Variants in QSER1 observed in about 807,000 individuals in gnomAD.
QSER1 encodes the protein glutamine and serine rich 1.
Under a neutral mutation model 158.5 loss-of-function variants are expected in QSER1, and 49 were observed. The ratio of observed to expected loss-of-function variants is 0.31; its 90% CI spans 0.25 to 0.39. The LOEUF (loss-of-function observed/expected upper bound fraction) is 0.39, where lower values mean the gene tolerates loss of function less well. QSER1 is among the 10% of genes least tolerant of loss of function. The pLI is 1.00. For synonymous variants in QSER1, 650 were observed against 715.5 expected (o/e 0.91, Z 1.46); for missense variants, 1,754 against 2,010.3 (o/e 0.87, Z 2.44).
Position 32,969,061 on chromosome 11 carries a change from C to G in QSER1, c.5123C>G (p.Pro1708Arg). The G allele has an allele frequency of 1.3e-6, 2 of 1,573,764 alleles. No individual in the cohort carries two copies. The highest frequency in any genetic ancestry group is 2.3e-5 in the South Asian group (2 of 85,986). Reference protein sequence around the residue: ...LEKSNDELLLPHMKKIDGMLN... With the variant: ...LEKSNDELLLRHMKKIDGMLN... ...GTTGTTTCAGATGAGCTACTTTTAC[C>G]TCATATGAAAAAAATAGATGGCATG... The change falls in exon 10 of 13, where the codon CCT becomes CGT. Residue 1708 changes from proline (P) to arginine (R), a missense_variant. Physicochemically the swap from Pro to Arg is moderately radical, Grantham distance 103. Around this residue, in one of 2 missense-constraint regions of QSER1, gnomAD observed 1,707 missense variants for 1,919.6 expected, o/e 0.89. Coordinates refer to ENST00000650167, the MANE Select transcript of QSER1 (RefSeq NM_001076786.3).
chr11:32,966,043 G>A (rs530630384), intron 8 of QSER1, among the ~76,000 whole-genome samples: 1 of 149,252 alleles, frequency 6.7e-6, no homozygotes, highest in Non-Finnish European at 1.5e-5. Flanking sequence ...ACCCTACCAC[G>A]ACCACCACCA....
chr11:32,913,979 T>C (rs904164367), intron 1 of QSER1, among the ~76,000 whole-genome samples: 2 of 152,248 alleles, frequency 1.3e-5, no homozygotes, highest in Admixed American at 6.5e-5. Flanking sequence ...ATAAATAATT[T>C]CTTAATAAGA....
At chr11:32,917,135 T>G (rs1466409252) in intron 1 of QSER1, among the ~76,000 whole-genome samples, 1 of 152,250 alleles carries the variant, frequency 6.6e-6, no homozygotes, top group African/African-American at 2.4e-5. Flanking sequence ...GTTTGGCTTC[T>G]TTCATTTAGC....
chr11:32,932,437 C>A lies in QSER1; in HGVS notation c.1179C>A (p.Tyr393Ter). 1 of 1,613,256 alleles carries A rather than the reference C, an allele frequency of 6.2e-7. No homozygotes were observed. ...SQVSVELAQSYSSAIPSSGYP... is the reference protein window; with the variant it reads ...SQVSVELAQS ...TCTCAGTGGAACTTGCTCAGTCTTACTCATCTGCGATTCCATCATCAGGGT... is the reference window on the plus strand; with the variant it reads ...TCTCAGTGGAACTTGCTCAGTCTTAATCATCTGCGATTCCATCATCAGGGT... Residue 393 changes from tyrosine to a stop codon, truncating the protein, a stop_gained, in exon 4 of 13, where the codon TAC becomes TAA. Transcript: ENST00000650167. LOFTEE classifies it high-confidence loss of function.
rs961244740 is a variant in QSER1 at position 32,978,167 on chromosome 11, G to A, written c.*1693G>A. On this transcript the variant is annotated 3_prime_UTR_variant, in exon 13 of 13. Coordinates refer to ENST00000650167, the MANE Select transcript of QSER1 (RefSeq NM_001076786.3). ...ACTCAGTAATGGAAGTTTCTCTCAA[G>A]GGTTAAATGTTCCATTTTTGAAAGT... is the stretch of plus-strand genomic sequence containing the variant. The A allele has an allele frequency of 6.6e-6, 1 of 152,578 alleles. No homozygotes were observed. Among genetic ancestry groups the A allele is most frequent in the East Asian group, 1.9e-4 (1 of 5,204 alleles). The allele number at this position is 152,578 out of a possible 1,614,324, so 9.5% of individuals were successfully genotyped here. A position where few individuals can be genotyped will look rare whatever the true frequency, so the allele number is the denominator to read the frequency against.
At chr11:32,953,384 G>A (rs1852456329) in intron 4 of QSER1, among the ~76,000 whole-genome samples, 1 of 151,182 alleles carries the variant, frequency 6.6e-6, no homozygotes, top group Non-Finnish European at 1.5e-5. Context: ...GTAGGGTCTT[G>A]TTCTGTCACC....
intron 1 of QSER1, among the ~76,000 whole-genome samples, chr11:32,912,932 T>A (rs58219633): frequency 1.3e-5 from 2 of 151,940 alleles, no homozygotes; most frequent in East Asian, 1.9e-4. Context: ...TAAATTTAAC[T>A]CTTACTAAAA....
At chr11:32,925,017 A>G (rs1851949659) in intron 1 of QSER1, among the ~76,000 whole-genome samples, 3 of 152,206 alleles carry the variant, frequency 2.0e-5, no homozygotes, top group Admixed American at 2.0e-4. Context: ...GATTAGGATT[A>G]TAGCCTCCAG....
rs781090443 is a variant in QSER1 at position 32,931,778 on chromosome 11, A to C, written c.520A>C (p.Thr174Pro). 1 of 1,612,368 alleles carries C rather than the reference A, an allele frequency of 6.2e-7. No individual in the cohort carries two copies. Among genetic ancestry groups the C allele is most frequent in the South Asian group, 1.1e-5 (1 of 90,654 alleles). The change falls in exon 4 of 13, where the codon ACT becomes CCT. Residue 174 changes from threonine (T) to proline (P), a missense_variant. Physicochemically the swap from Thr to Pro is conservative, Grantham distance 38 (BLOSUM62 -1). This residue lies in a region of QSER1 where 1,707 missense variants were observed against 1,919.6 expected (regional missense o/e 0.89). Coordinates refer to ENST00000650167, the MANE Select transcript of QSER1 (RefSeq NM_001076786.3). ...CTCAGCAGCAACTGAGCTGTTTGCT[A>C]CTGGACCTTTGCCAAGCACTGGAAC... ...HSSAATELFATGPLPSTGTLP... is the reference protein window; with the variant it reads ...HSSAATELFAPGPLPSTGTLP...
chr11:32,967,038 A>G (rs947608220), intron 9 of QSER1, among the ~76,000 whole-genome samples: 9 of 152,200 alleles, frequency 5.9e-5, no homozygotes, highest in African/African-American at 2.2e-4. Context: ...AATACCCAAG[A>G]GACACCTGCA....
chr11:32,939,117 G>C (rs748549998), intron 4 of QSER1, among the ~76,000 whole-genome samples: 1 of 152,128 alleles, frequency 6.6e-6, no homozygotes, highest in Non-Finnish European at 1.5e-5. Flanking sequence ...CTATTATCAA[G>C]TCAGTGGAAG....
At chr11:32,944,146 G>C (rs1463075574) in intron 4 of QSER1, among the ~76,000 whole-genome samples, 2 of 151,812 alleles carry the variant, frequency 1.3e-5, no homozygotes, top group African/African-American at 4.8e-5. Flanking sequence ...ATTAGTCTTG[G>C]TAGCAGTCTA....
At chr11:32,907,964 G>T (rs1291319775) in intron 1 of QSER1, among the ~76,000 whole-genome samples, 1 of 152,120 alleles carries the variant, frequency 6.6e-6, no homozygotes, top group East Asian at 1.9e-4. Flanking sequence ...GCTGAGCATG[G>T]TGGCATGCAT....
chr11:32,960,386 G>C (rs572736659), intron 8 of QSER1, among the ~76,000 whole-genome samples: 1 of 151,868 alleles, frequency 6.6e-6, no homozygotes, highest in Non-Finnish European at 1.5e-5. Flanking sequence ...GTGAAACCCT[G>C]TCTCTACTAA....
chr11:32,943,941 A>G (rs1460178049), intron 4 of QSER1, among the ~76,000 whole-genome samples: 3 of 150,396 alleles, frequency 2.0e-5, no homozygotes, highest in South Asian at 2.1e-4. Flanking sequence ...CAGAGATTCA[A>G]CTTCTTCCTG....
rs763538934 is a variant in QSER1, at chr11:32,956,043, T to C, written c.4673T>C (p.Phe1558Ser). Reference sequence around the variant, plus strand: ...AAATACAAAAGAATATATGTGAAGTTCATTGAAAATGCAAACAAGAAGGAA... The same window carrying C: ...AAATACAAAAGAATATATGTGAAGTCCATTGAAAATGCAAACAAGAAGGAA... ...KSKYKRIYVK[F>S]IENANKKEYV... Residue 1558 changes from phenylalanine to serine, a missense_variant, in exon 7 of 13, where the codon TTC becomes TCC. This residue lies in a region of QSER1 where 1,707 missense variants were observed against 1,919.6 expected (regional missense o/e 0.89). Transcript: ENST00000650167. 1.2e-6 allele frequency: 2 copies of C among 1,608,746 alleles called. No homozygotes were observed. The highest frequency in any genetic ancestry group is 1.7e-6 in the Non-Finnish European group (2 of 1,175,598).
intron 1 of QSER1, among the ~76,000 whole-genome samples, chr11:32,901,074 C>T (rs1451879863): frequency 1.3e-5 from 2 of 152,208 alleles, no homozygotes. Flanking sequence ...ATAGCATAAG[C>T]TCTGGAGTTA....
chr11:32,934,561 A>G lies in QSER1; in HGVS notation c.3303A>G (p.Gln1101=). 6.2e-7 allele frequency: 1 copy of G among 1,613,566 alleles called. No homozygotes were observed. Among genetic ancestry groups the G allele is most frequent in the Middle Eastern group, 1.7e-4 (1 of 6,060 alleles). The part of the protein sequence containing the change: ...VVGPSHEVQE[Q]SSGPFKKQSA... ...GACCAAGTCATGAAGTCCAGGAGCA[A>G]AGTTCTGGCCCATTCAAGAAACAGT... Residue 1101 remains glutamine, a synonymous_variant, in exon 4 of 13, where the codon CAA becomes CAG. Transcript: ENST00000650167.
At chr11:32,969,548 TTAA>T in intron 10 of QSER1, among the ~76,000 whole-genome samples, 1 of 152,254 alleles carries the variant, frequency 6.6e-6, no homozygotes, top group African/African-American at 2.4e-5. Flanking sequence ...ATTCTATATG[TTAA>T]TATATCTTGG....
Sources: gnomAD v4.1 joint callset for allele counts (sites outside exome capture counted in the v4.1 genomes callset) on GRCh38, gnomAD v4.1.1 for gene constraint, gnomAD v4.1.1 regional missense constraint, MANE v1.5 for transcripts, NCBI Gene and HGNC (gene_info 2026-07-23, HGNC 2026-07-21) for gene names.